Variants in RIPOR3 observed in about 807,000 individuals in gnomAD.
RIPOR3 encodes the protein RIPOR family member 3.
Under a neutral mutation model 114.3 loss-of-function variants are expected in RIPOR3, and 95 were observed. The ratio of observed to expected loss-of-function variants is 0.83; its 90% CI spans 0.70 to 0.99. The LOEUF (loss-of-function observed/expected upper bound fraction) is 0.99, where lower values mean the gene tolerates loss of function less well. Among genes scored for constraint, RIPOR3 ranks in the 50% least tolerant of loss-of-function variants. RIPOR3 has a pLI of 0.00. For missense variants in RIPOR3, 1,252 were observed against 1,266.9 expected, an observed-to-expected ratio of 0.99 and a Z score of 0.18; for synonymous variants, 575 against 543.8, an observed-to-expected ratio of 1.06 and a Z score of -0.80.
intron 1 of RIPOR3, among the ~76,000 whole-genome samples, chr20:50,683,836 T>C (rs1277874264): frequency 1.3e-5 from 2 of 152,078 alleles, no homozygotes; most frequent in East Asian, 3.9e-4. Context: ...TCTCAGAAAC[T>C]TTGGGAGGCC....
At chr20:50,630,877 A>G (rs1430418199) in intron 1 of RIPOR3, 21 bp from the exon 2 acceptor site, 2 of 1,567,280 alleles carry the variant, frequency 1.3e-6, no homozygotes, top group East Asian at 2.4e-5. Context: ...AGGACAGGAG[A>G]GTCAGCCTGG....
chr20:50,629,813 G>A (rs1389726225), intron 2 of RIPOR3, among the ~76,000 whole-genome samples: 2 of 152,238 alleles, frequency 1.3e-5, no homozygotes, highest in Non-Finnish European at 2.9e-5. Flanking sequence ...AGAGCCAGAA[G>A]AGGTGGCCCC....
rs13045835 is a variant in RIPOR3, at chr20:50,663,749, C to T, written c.3+27377G>A. Among the ~76,000 whole-genome samples, 907 of 152,210 alleles carry T rather than the reference C, an allele frequency of 6.0e-3. 5 individuals are homozygous for T. Among genetic ancestry groups the T allele is most frequent in the Non-Finnish European group, 8.8e-3 (598 of 68,010 alleles). ...TATTTACTCTCTACTTTCTGGCTTC[C>T]CTAGATTGGTGCCAGCCATTTGTCC... is the stretch of plus-strand genomic sequence containing the variant. On this transcript the variant is annotated intron_variant, in intron 1 of 21. Transcript: ENST00000327979.
rs1235154458 is a variant in RIPOR3 at position 50,593,026 on chromosome 20, C to T, written c.2374+9G>A. 5.0e-6 allele frequency: 8 copies of T among 1,613,638 alleles called. No homozygotes were observed. In the African/African-American group the frequency reaches 1.1e-4, roughly 22 times the overall value. On this transcript the variant is annotated intron_variant, in intron 18 of 21. Transcript: ENST00000327979. The stretch of plus-strand genomic sequence containing the variant: ...CCTCTGCTATGACAGCCACCCACCC[C>T]AGTCTTACCTTCCTTGGTGAGCTGG...
intron 1 of RIPOR3, among the ~76,000 whole-genome samples, chr20:50,657,238 A>T (rs2085842859): frequency 1.3e-5 from 2 of 152,158 alleles, no homozygotes; most frequent in African/African-American, 4.8e-5. Context: ...ACACAAAGAA[A>T]GAGAGAGGCT....
Position 50,609,696 on chromosome 20 carries a change from G to A in RIPOR3, c.453C>T (p.Cys151=), listed in dbSNP as rs1188511489. Residue 151 remains cysteine, a synonymous_variant, in exon 7 of 22, where the codon TGC becomes TGT. Transcript: ENST00000327979. The part of the protein sequence containing the change: ...SKVDELYEDY[C]IQCRLRDGAS... The stretch of plus-strand genomic sequence containing the variant: ...CGCCGTCGCGCAGGCGGCACTGGAT[G>A]CAGTAGTCCTCGTACAGCTCATCCA... 12 of 1,391,312 alleles carry A rather than the reference G, an allele frequency of 8.6e-6. No homozygotes were observed. The allele number at this position is 1,391,312 out of a possible 1,614,324, so 86.2% of individuals were successfully genotyped here.
chr20:50,593,433 G>A lies in RIPOR3; in HGVS notation c.2213-237C>T, dbSNP rs1021654671. Among the ~76,000 whole-genome samples, 3 of 152,276 alleles carry A rather than the reference G, an allele frequency of 2.0e-5. No individual in the cohort carries two copies. The Middle Eastern group carries it at 0.01, about 518-fold the overall frequency. On this transcript the variant is annotated intron_variant, in intron 17 of 21. Coordinates refer to ENST00000327979, the MANE Select transcript of RIPOR3 (RefSeq NM_001290268.2). Reference sequence around the variant, plus strand: ...ACTAAAAATACAAAATTAGCTGGGTGTGGTGGTGCCTGCCTGTTTCCCAGC... The same window carrying A: ...ACTAAAAATACAAAATTAGCTGGGTATGGTGGTGCCTGCCTGTTTCCCAGC...
chr20:50,663,541 G>A (rs532659383), intron 1 of RIPOR3, among the ~76,000 whole-genome samples: 3 of 152,282 alleles, frequency 2.0e-5, no homozygotes, highest in Admixed American at 6.5e-5. Flanking sequence ...AGGTCTTGGC[G>A]TTGTGAGCAC....
intron 1 of RIPOR3, among the ~76,000 whole-genome samples, chr20:50,665,919 T>C (rs1465878758): frequency 3.9e-5 from 6 of 152,010 alleles, no homozygotes; most frequent in Admixed American, 2.0e-4. Context: ...CAGCTATACC[T>C]AAAGCCAAAC....
intron 11 of RIPOR3, among the ~76,000 whole-genome samples, chr20:50,606,030 C>T (rs532148298): frequency 6.6e-6 from 1 of 152,262 alleles, no homozygotes; most frequent in African/African-American, 2.4e-5. Context: ...ATGGCGAAAC[C>T]CCATCTCTCC....
At chr20:50,588,749 G>GAAAA (rs869194473) in intron 20 of RIPOR3, among the ~76,000 whole-genome samples, 1 of 58,444 alleles carries the variant, frequency 1.7e-5, no homozygotes. Flanking sequence ...ATTCTCAAGT[G>GAAAA]AAAAAAAAAA....
intron 1 of RIPOR3, among the ~76,000 whole-genome samples, chr20:50,667,796 A>G (rs1212243675): frequency 6.6e-6 from 1 of 152,190 alleles, no homozygotes; most frequent in Non-Finnish European, 1.5e-5. Context: ...TGGGAGTCAG[A>G]GTAGCAAAGG....
chr20:50,594,670 T>G lies in RIPOR3; in HGVS notation c.2095A>C (p.Arg699=), dbSNP rs752130704. 55 of 1,613,456 alleles carry G rather than the reference T, an allele frequency of 3.4e-5. No homozygotes were observed. In the Admixed American group the frequency reaches 9.0e-4, roughly 26 times the overall value. The change falls in exon 17 of 22, where the codon AGA becomes CGA. Residue 699 remains arginine, a synonymous_variant. Coordinates refer to ENST00000327979, the MANE Select transcript of RIPOR3 (RefSeq NM_001290268.2). ...SRTKGCLKLW[R]GCTGPGRVLS... is the part of the protein sequence containing the mutation. Reference sequence around the variant, plus strand: ...ACCCTGCCAGGCCCTGTGCACCCTCTCCACAGCTTCAGGCACCCCTTCGTC... The same window carrying G: ...ACCCTGCCAGGCCCTGTGCACCCTCGCCACAGCTTCAGGCACCCCTTCGTC...
chr20:50,668,458 C>A (rs1251206983), intron 1 of RIPOR3, among the ~76,000 whole-genome samples: 2 of 152,192 alleles, frequency 1.3e-5, no homozygotes, highest in East Asian at 3.8e-4. Context: ...GAGGCCCCAA[C>A]CTTTGCGCCT....
At chr20:50,620,972 T>G in intron 2 of RIPOR3, 1 of 530,094 alleles carries the variant, frequency 1.9e-6, no homozygotes, top group Non-Finnish European at 3.7e-6. Flanking sequence ...GGCCCTCAAG[T>G]TCATCAAGGA....
In RIPOR3 at chr20:50,610,864, G is replaced by A; in HGVS notation, c.415C>T (p.His139Tyr). Reference protein sequence around the residue: ...VERHIRKMEFHISKVDELYED... With the variant: ...VERHIRKMEFYISKVDELYED... ...ACGAGCCAGCTGACCTTGCTGATGT[G>A]AAACTCCATCTTCCGAATGTGCCTT... Residue 139 changes from histidine to tyrosine, a missense_variant, in exon 6 of 22, where the codon CAC becomes TAC. Transcript: ENST00000327979. 6.2e-7 allele frequency: 1 copy of A among 1,614,198 alleles called. No individual in the cohort carries two copies. The highest frequency in any genetic ancestry group is 8.5e-7 in the Non-Finnish European group (1 of 1,180,044).
At position 50,609,983 on chromosome 20, in the gene RIPOR3, A is replaced by ACCCCTGCCT. The variant is rs1568854497; in HGVS notation, c.427-270_427-262dup. Among the ~76,000 whole-genome samples, 6 of 55,448 alleles carry ACCCCTGCCT rather than the reference A, an allele frequency of 1.1e-4. No homozygotes were observed. The South Asian group carries it at 3.3e-3, about 31-fold the overall frequency. 36.4% of individuals were successfully genotyped at this position (55,448 alleles called of 152,430 possible). ...CACTGCCTCACCTGCCACCCCTACC[A>ACCCCTGCCT]CCCCTGCCTCACCTGCCACCCCTGC... On this transcript the variant is annotated intron_variant, in intron 6 of 21. Transcript: ENST00000327979.
In RIPOR3 at chr20:50,628,018, G is replaced by A. The variant is rs568298986; in HGVS notation, c.122+2720C>T. On this transcript the variant is annotated intron_variant, in intron 2 of 21. Transcript: ENST00000327979. ...GGATGGCCCCCTGGCCAGGTAACCC[G>A]CACAGCTGACCTTCCCAGCCTTGAT... Among the ~76,000 whole-genome samples the A allele has an allele frequency of 5.3e-5, 8 of 152,348 alleles. No individual in the cohort carries two copies. In the South Asian group the frequency reaches 1.5e-3, roughly 28 times the overall value.
At chr20:50,651,002 C>T (rs1272239650) in intron 1 of RIPOR3, among the ~76,000 whole-genome samples, 17 of 151,650 alleles carry the variant, frequency 1.1e-4, no homozygotes, top group Admixed American at 1.1e-3. Flanking sequence ...GACCGAGTCT[C>T]GCTCTGTCAC....
Sources: allele counts gnomAD v4.1 joint callset (sites outside exome capture counted in the v4.1 genomes callset), GRCh38; gene constraint gnomAD v4.1.1; transcripts MANE v1.5; gene names NCBI Gene and HGNC (gene_info 2026-07-23, HGNC 2026-07-21).